The following MEMO1 variants were observed in gnomAD, a reference collection of about 807,000 sequenced individuals.
MEMO1 encodes protein MEMO1.
Under a neutral mutation model 45.2 loss-of-function variants are expected in MEMO1, and 6 were observed. That is an observed-to-expected ratio of 0.13 (90% CI 0.07 to 0.26). MEMO1 has a LOEUF of 0.26. MEMO1 is among the 10% of genes least tolerant of loss of function. MEMO1 has a pLI of 1.00. For missense variants in MEMO1, 184 were observed against 370.5 expected, an observed-to-expected ratio of 0.50 and a Z score of 4.13; for synonymous variants, 78 against 124.3, an observed-to-expected ratio of 0.63 and a Z score of 2.48.
chr2:31,953,948 G>T (rs1042394871), intron 2 of MEMO1, among the ~76,000 whole-genome samples: 3 of 151,924 alleles, frequency 2.0e-5, no homozygotes, highest in Non-Finnish European at 2.9e-5. Context: ...AATGATATTT[G>T]GTATTTCAAA....
In MEMO1 at chr2:31,979,025, A is replaced by C. The variant is rs189185514; in HGVS notation, c.61+31162T>G. On this transcript the variant is annotated intron_variant, in intron 2 of 9. Transcript: ENST00000404530. ...ATAAAGATACCACTCAAGACTGGGT[A>C]ATTTATAAAGAAAACAGGTTTAATT... is the stretch of plus-strand genomic sequence containing the variant. Among the ~76,000 whole-genome samples the C allele has an allele frequency of 4.4e-3, 667 of 152,278 alleles. 3 individuals carry two copies. The highest frequency in any genetic ancestry group is 6.2e-3 in the Non-Finnish European group (420 of 68,006).
intron 2 of MEMO1, among the ~76,000 whole-genome samples, chr2:32,005,094 T>C (rs539954192): frequency 6.6e-6 from 1 of 152,170 alleles, no homozygotes; most frequent in Non-Finnish European, 1.5e-5. Context: ...AAACTGGAAT[T>C]GTCACGCAAC....
chr2:31,926,127 G>A (rs1394644067), intron 4 of MEMO1, among the ~76,000 whole-genome samples: 1 of 152,170 alleles, frequency 6.6e-6, no homozygotes, highest in Non-Finnish European at 1.5e-5. Context: ...AGCACTTTGG[G>A]AGGCTGAGGT....
chr2:31,968,862 CTTTCT>C (rs1372640092), intron 2 of MEMO1, among the ~76,000 whole-genome samples: 1 of 151,282 alleles, frequency 6.6e-6, no homozygotes, highest in African/African-American at 2.4e-5. Flanking sequence ...ATTTTTAACT[CTTTCT>C]TCTCATAAAC....
chr2:31,937,232 T>C (rs1205251486), intron 3 of MEMO1, among the ~76,000 whole-genome samples: 1 of 152,208 alleles, frequency 6.6e-6, no homozygotes, highest in African/African-American at 2.4e-5. Context: ...CCAAGTTAGA[T>C]AGTTATTATT....
intron 4 of MEMO1, among the ~76,000 whole-genome samples, chr2:31,929,323 G>A (rs1683598610): frequency 1.3e-5 from 2 of 150,640 alleles, no homozygotes; most frequent in South Asian, 4.2e-4. Flanking sequence ...GTCTTTTTTT[G>A]CAAATATTTT....
intron 3 of MEMO1, among the ~76,000 whole-genome samples, chr2:31,938,509 A>T (rs1007804256): frequency 4.6e-5 from 7 of 151,892 alleles, no homozygotes; most frequent in Non-Finnish European, 8.8e-5. Flanking sequence ...TTAGCTGGGC[A>T]TGGTGGTGGG....
chr2:31,964,239 C>T (rs946566642), intron 2 of MEMO1, among the ~76,000 whole-genome samples: 1 of 151,270 alleles, frequency 6.6e-6, no homozygotes, highest in East Asian at 1.9e-4. Context: ...TACACATACA[C>T]GTACACAAAC....
At chr2:32,004,256 T>C (rs1673769856) in intron 2 of MEMO1, among the ~76,000 whole-genome samples, 1 of 151,792 alleles carries the variant, frequency 6.6e-6, no homozygotes, top group Non-Finnish European at 1.5e-5. Context: ...GGGCAGAAGA[T>C]AGATGCAATA....
chr2:31,922,043 C>A (rs1025792594), intron 4 of MEMO1, among the ~76,000 whole-genome samples: 2 of 152,056 alleles, frequency 1.3e-5, no homozygotes, highest in Non-Finnish European at 1.5e-5. Flanking sequence ...TATGAACCAA[C>A]CTTCCCACAT....
intron 6 of MEMO1, among the ~76,000 whole-genome samples, chr2:31,913,115 A>C (rs998943470): frequency 1.3e-5 from 2 of 152,036 alleles, no homozygotes; most frequent in African/African-American, 4.8e-5. Flanking sequence ...AAATACAAAA[A>C]TTAGCTGGGC....
intron 4 of MEMO1, among the ~76,000 whole-genome samples, chr2:31,931,494 T>C (rs1664163554): frequency 6.6e-6 from 1 of 152,082 alleles, no homozygotes; most frequent in Non-Finnish European, 1.5e-5. Flanking sequence ...CTCTTGTAAG[T>C]TCACAAGTTT....
At chr2:31,953,703 C>G (rs1667103909) in intron 2 of MEMO1, among the ~76,000 whole-genome samples, 1 of 152,048 alleles carries the variant, frequency 6.6e-6, no homozygotes, top group Non-Finnish European at 1.5e-5. Context: ...ATGATCCGCC[C>G]ACCTTGGCAT....
At position 31,869,258 on chromosome 2, in the gene MEMO1, C is replaced by G. The variant is rs150963728; in HGVS notation, c.762+590G>C. Among the ~76,000 whole-genome samples, 681 of 152,194 alleles carry G rather than the reference C, an allele frequency of 4.5e-3. 5 individuals are homozygous for G. The highest frequency in any genetic ancestry group is 0.016 in the African/African-American group (649 of 41,552). On this transcript the variant is annotated intron_variant, in intron 9 of 9. Transcript: ENST00000404530. Reference sequence around the variant, plus strand: ...CCTCCCATTCCTGAGTATACACTTTCTTCTTTCTTAATTAATGTCATATTT... The same window carrying G: ...CCTCCCATTCCTGAGTATACACTTTGTTCTTTCTTAATTAATGTCATATTT...
At chr2:31,938,372 C>T (rs1324049228) in intron 3 of MEMO1, among the ~76,000 whole-genome samples, 7 of 151,814 alleles carry the variant, frequency 4.6e-5, no homozygotes, top group East Asian at 3.9e-4. Context: ...GAAGGCCAGG[C>T]GCAGTGGCTC....
intron 2 of MEMO1, among the ~76,000 whole-genome samples, chr2:31,983,273 T>C (rs1670874519): frequency 6.6e-6 from 1 of 152,028 alleles, no homozygotes; most frequent in Non-Finnish European, 1.5e-5. Context: ...AAAAATTTTT[T>C]TAAATCTTAA....
chr2:31,920,546 T>C (rs1234692533), intron 5 of MEMO1, among the ~76,000 whole-genome samples: 1 of 152,202 alleles, frequency 6.6e-6, no homozygotes, highest in Non-Finnish European at 1.5e-5. Flanking sequence ...TTTTTCTGAA[T>C]ATTAATGTAA....
intron 2 of MEMO1, among the ~76,000 whole-genome samples, chr2:32,006,128 A>G (rs1309763649): frequency 6.6e-6 from 1 of 152,216 alleles, no homozygotes; most frequent in Non-Finnish European, 1.5e-5. Flanking sequence ...GCGGTCATAG[A>G]GATAGGAAGA....
At chr2:31,964,725 TAATAAA>T (rs1668411460) in intron 2 of MEMO1, among the ~76,000 whole-genome samples, 1 of 151,134 alleles carries the variant, frequency 6.6e-6, no homozygotes, top group African/African-American at 2.4e-5. Context: ...AATAAATAAA[TAATAAA>T]AATTAAAATT....
Sources: allele counts gnomAD v4.1 joint callset (sites outside exome capture counted in the v4.1 genomes callset), GRCh38; gene constraint gnomAD v4.1.1; transcripts MANE v1.5; gene names NCBI Gene and HGNC (gene_info 2026-07-23, HGNC 2026-07-21).